The following RPS6KA3 variants were observed in gnomAD, a reference collection of about 807,000 sequenced individuals.
RPS6KA3 encodes ribosomal protein S6 kinase A3.
RPS6KA3 carries 4 observed loss-of-function variants against 67.2 expected under a neutral mutation model. The ratio of observed to expected loss-of-function variants is 0.06; its 90% CI spans 0.03 to 0.14. The LOEUF (loss-of-function observed/expected upper bound fraction) is 0.14, where lower values mean the gene tolerates loss of function less well. Among genes scored for constraint, RPS6KA3 ranks in the 10% least tolerant of loss-of-function variants. The pLI is 1.00. For missense variants in RPS6KA3, 204 were observed against 559.0 expected, an observed-to-expected ratio of 0.36 and a Z score of 6.40; for synonymous variants, 182 against 183.7, an observed-to-expected ratio of 0.99 and a Z score of 0.07.
intron 17 of RPS6KA3, among the ~76,000 whole-genome samples, chrX:20,166,503 GA>G (rs2067439066): frequency 9.0e-6 from 1 of 111,280 alleles, no homozygotes; most frequent in South Asian, 3.7e-4. Flanking sequence ...AGAATGTATT[GA>G]AACTGAACTC....
intron 10 of RPS6KA3, among the ~76,000 whole-genome samples, chrX:20,177,984 A>T (rs961931271): frequency 8.9e-6 from 1 of 112,028 alleles, no homozygotes; most frequent in Admixed American, 9.6e-5. Context: ...GAAACCAATG[A>T]TCCTGTAAGT....
At chrX:20,181,051 T>A (rs2067830692) in intron 10 of RPS6KA3, among the ~76,000 whole-genome samples, 1 of 112,079 alleles carries the variant, frequency 8.9e-6, no homozygotes, top group Admixed American at 9.5e-5. Flanking sequence ...TACCTAAGCA[T>A]TATTGCTAGT....
At chrX:20,227,269 G>C (rs2148770347) in intron 2 of RPS6KA3, among the ~76,000 whole-genome samples, 1 of 111,285 alleles carries the variant, frequency 9.0e-6, no homozygotes, top group African/African-American at 3.3e-5. Context: ...CATCATAATG[G>C]GAATAAACTT....
At position 20,266,690 on chromosome X, in the gene RPS6KA3, G is replaced by A. The variant is rs373750361; in HGVS notation, c.-58C>T. On this transcript the variant is annotated 5_prime_UTR_variant, in exon 1 of 22. Transcript: ENST00000379565. The stretch of plus-strand genomic sequence containing the variant: ...CTCCCTCCCCGCCCGCCCCACGGCC[G>A]GCCCCGCTCCGTCGCCGCCCGAGCC... 2.8e-4 allele frequency: 240 copies of A among 865,809 alleles called. 2 individuals are homozygous for A. The East Asian group carries it at 7.1e-3, about 26-fold the overall frequency. The allele number at this position is 865,809 out of a possible 1,213,427, so 71.4% of individuals were successfully genotyped here. A position where few individuals can be genotyped will look rare whatever the true frequency, so the allele number is the denominator to read the frequency against.
chrX:20,167,682 A>G lies in RPS6KA3; in HGVS notation c.1509T>C (p.Asp503=). 8.4e-7 allele frequency: 1 copy of G among 1,190,923 alleles called. No individual in the cohort carries two copies. Among genetic ancestry groups the G allele is most frequent in the Non-Finnish European group, 1.1e-6 (1 of 876,245 alleles). The change falls in exon 17 of 22, where the codon GAT becomes GAC. Residue 503 remains aspartate (D), a synonymous_variant. Coordinates refer to ENST00000379565, the MANE Select transcript of RPS6KA3 (RefSeq NM_004586.3). ...TELMKGGELL[D]KILRQKFFSE... is the part of the protein sequence containing the mutation. Reference sequence around the variant, plus strand: ...AGAAAAATTTTTGTCTAAGAATTTTATCCAGCAATTCACCTCCTTTCATAA... The same window carrying G: ...AGAAAAATTTTTGTCTAAGAATTTTGTCCAGCAATTCACCTCCTTTCATAA...
At chrX:20,220,427 T>G (rs927060936) in intron 2 of RPS6KA3, among the ~76,000 whole-genome samples, 7 of 111,255 alleles carry the variant, frequency 6.3e-5, no homozygotes, top group Non-Finnish European at 1.1e-4. Flanking sequence ...CTCCTTACAA[T>G]GGAGCTCCAA....
At chrX:20,261,788 G>A (rs1290195268) in intron 1 of RPS6KA3, among the ~76,000 whole-genome samples, 1 of 111,871 alleles carries the variant, frequency 8.9e-6, no homozygotes, top group Non-Finnish European at 1.9e-5. Context: ...GCTTTTTGGT[G>A]TTTAACTGAT....
intron 1 of RPS6KA3, among the ~76,000 whole-genome samples, chrX:20,243,791 G>A (rs2069614239): frequency 9.0e-6 from 1 of 110,630 alleles, no homozygotes; most frequent in Admixed American, 9.6e-5. Flanking sequence ...ACCACGGCTG[G>A]CCCTAAAACC....
At position 20,195,078 on chromosome X, in the gene RPS6KA3, G is replaced by C. The variant is rs1381979019; in HGVS notation, c.393C>G (p.Val131=). Residue 131 remains valine, a synonymous_variant, in exon 5 of 22, where the codon GTC becomes GTG. Transcript: ENST00000379565. Reference sequence around the variant, plus strand: ...GCTCATACTTACCATAATGCAACTTGACAATAAAAGGATGATTAACCTCTA... The same window carrying C: ...GCTCATACTTACCATAATGCAACTTCACAATAAAAGGATGATTAACCTCTA... ...ILVEVNHPFI[V]KLHYAFQTEG... 1 of 1,190,131 alleles carries C rather than the reference G, an allele frequency of 8.4e-7. No individual in the cohort carries two copies. Among genetic ancestry groups the C allele is most frequent in the Admixed American group, 2.2e-5 (1 of 45,601 alleles).
chrX:20,197,717 T>C (rs2068309125), intron 4 of RPS6KA3, among the ~76,000 whole-genome samples: 1 of 112,097 alleles, frequency 8.9e-6, no homozygotes, highest in East Asian at 2.8e-4. Flanking sequence ...CTCGTTTCTT[T>C]TGCTTATGTA....
rs371763649 is a variant in RPS6KA3 at position 20,201,460 on chromosome X, A to C, written c.325+2562T>G. ...AGCAAACTTTATTATTTTAATATGC[A>C]TCTTTGACTTTCACCAAAACTGAAC... On this transcript the variant is annotated intron_variant, in intron 4 of 21. Transcript: ENST00000379565. Among the ~76,000 whole-genome samples the C allele has an allele frequency of 1.2e-4, 13 of 111,550 alleles. No individual in the cohort carries two copies. The East Asian group carries it at 3.6e-3, about 31-fold the overall frequency.
chrX:20,154,417 T>C lies in RPS6KA3; in HGVS notation c.*981A>G, dbSNP rs956786245. ...GGACTTCAATTACCTGTTGCTAAAT[T>C]TTCCTTCACCCATCTCCTTACCATG... On this transcript the variant is annotated 3_prime_UTR_variant, in exon 22 of 22. Coordinates refer to ENST00000379565, the MANE Select transcript of RPS6KA3 (RefSeq NM_004586.3). 2 of 112,390 alleles carry C rather than the reference T, an allele frequency of 1.8e-5. No individual in the cohort carries two copies. Among genetic ancestry groups the C allele is most frequent in the Non-Finnish European group, 3.8e-5 (2 of 53,285 alleles). 9.3% of individuals were successfully genotyped at this position (112,390 alleles called of 1,213,427 possible).
intron 2 of RPS6KA3, among the ~76,000 whole-genome samples, chrX:20,232,748 A>C (rs2069304879): frequency 8.9e-6 from 1 of 112,418 alleles, no homozygotes; most frequent in Non-Finnish European, 1.9e-5. Context: ...GACAACAAGT[A>C]ACCCCAGAGA....
chrX:20,228,555 T>C (rs961275819), intron 2 of RPS6KA3, among the ~76,000 whole-genome samples: 5 of 111,342 alleles, frequency 4.5e-5, no homozygotes, highest in Non-Finnish European at 9.4e-5. Flanking sequence ...TCTGGTTTTC[T>C]CTGTGAAATA....
chrX:20,159,982 G>A (rs1416511678), intron 20 of RPS6KA3, among the ~76,000 whole-genome samples: 3 of 111,573 alleles, frequency 2.7e-5, no homozygotes, highest in Non-Finnish European at 5.6e-5. Context: ...CTAGTCACAT[G>A]GAATGACCAG....
chrX:20,262,087 G>A (rs1006720231), intron 1 of RPS6KA3, among the ~76,000 whole-genome samples: 9 of 111,743 alleles, frequency 8.1e-5, no homozygotes, highest in Admixed American at 9.5e-5. Context: ...CACCATGTCA[G>A]TGTGTCATTC....
At chrX:20,160,734 T>G (rs1249329991) in intron 20 of RPS6KA3, among the ~76,000 whole-genome samples, 1 of 111,933 alleles carries the variant, frequency 8.9e-6, no homozygotes, top group Non-Finnish European at 1.9e-5. Flanking sequence ...CGGCCAACAT[T>G]TCATTTTAAA....
chrX:20,176,213 G>A (rs1190846173), intron 13 of RPS6KA3, 37 bp downstream of exon 13: 1 of 870,465 alleles, frequency 1.1e-6, no homozygotes, highest in Non-Finnish European at 1.7e-6. Flanking sequence ...AAACATATTT[G>A]TTGTCTTATA....
intron 1 of RPS6KA3, among the ~76,000 whole-genome samples, chrX:20,244,879 T>C (rs1029988077): frequency 8.9e-6 from 1 of 112,411 alleles, no homozygotes; most frequent in Non-Finnish European, 1.9e-5. Context: ...TCAGATAAAA[T>C]ACTTCAAATT....
Sources: allele counts gnomAD v4.1 joint callset (sites outside exome capture counted in the v4.1 genomes callset), GRCh38; gene constraint gnomAD v4.1.1; transcripts MANE v1.5; gene names NCBI Gene and HGNC (gene_info 2026-07-23, HGNC 2026-07-21).